The following TSHZ3 variants were observed in gnomAD, a reference collection of about 807,000 sequenced individuals.
TSHZ3 encodes the protein teashirt zinc finger homeobox 3, also known as teashirt homolog 3.
Under a neutral mutation model 64.5 loss-of-function variants are expected in TSHZ3, and 10 were observed. The observed-to-expected ratio is 0.16, with a 90% confidence interval of 0.10 to 0.26. TSHZ3 has a LOEUF of 0.26. Among genes scored for constraint, TSHZ3 ranks in the 10% least tolerant of loss-of-function variants. TSHZ3 has a pLI of 1.00. For missense variants in TSHZ3, 1,242 were observed against 1,421.7 expected (o/e 0.87, Z 2.03); for synonymous variants, 608 against 593.1 (o/e 1.03, Z -0.36).
intron 4 of TSHZ3, among the ~76,000 whole-genome samples, chr19:31,208,082 T>C (rs988192191): frequency 6.6e-6 from 1 of 152,210 alleles, no homozygotes; most frequent in South Asian, 2.1e-4. Flanking sequence ...ACACAGAGAA[T>C]GTGTTCAAGA....
intron 4 of TSHZ3, among the ~76,000 whole-genome samples, chr19:31,212,592 C>T (rs577387300): frequency 2.0e-5 from 3 of 152,346 alleles, no homozygotes; most frequent in Admixed American, 2.0e-4. Context: ...ACACTGACAA[C>T]TCCCAGTGCT....
At chr19:31,199,269 T>C (rs1975036845) in intron 5 of TSHZ3, among the ~76,000 whole-genome samples, 1 of 151,476 alleles carries the variant, frequency 6.6e-6, no homozygotes, top group Non-Finnish European at 1.5e-5. Flanking sequence ...CTGGGCATCG[T>C]GGCGGGCGCC....
Position 31,276,802 on chromosome 19 carries a change from T to A in TSHZ3, c.2991A>T (p.Ser997=). The stretch of plus-strand genomic sequence containing the variant: ...AGTCCCGTAGCCGGAAGCCTAAGTG[T>A]GACTCTAGGTGACTGATGTACGTGG... ...TPSTYISHLE[S]HLGFRLRDLS... is the part of the protein sequence containing the mutation. The change falls in exon 2 of 2, where the codon TCA becomes TCT. Residue 997 remains serine, a synonymous_variant. Coordinates refer to ENST00000240587, the MANE Select transcript of TSHZ3 (RefSeq NM_020856.4). 6.2e-7 allele frequency: 1 copy of A among 1,614,250 alleles called. No homozygotes were observed. The highest frequency in any genetic ancestry group is 8.5e-7 in the Non-Finnish European group (1 of 1,180,048).
chr19:31,183,889 G>A (rs1974764363), intron 5 of TSHZ3, among the ~76,000 whole-genome samples: 1 of 152,044 alleles, frequency 6.6e-6, no homozygotes, highest in Non-Finnish European at 1.5e-5. Flanking sequence ...ATTTTTTTGA[G>A]CACTAAAGTA....
intron 4 of TSHZ3, among the ~76,000 whole-genome samples, chr19:31,211,227 T>A (rs1020003757): frequency 6.6e-6 from 1 of 152,180 alleles, no homozygotes; most frequent in Admixed American, 6.6e-5. Context: ...CAACTCCTGC[T>A]CATGGTTTCC....
At chr19:31,208,085 G>A (rs913688235) in intron 4 of TSHZ3, among the ~76,000 whole-genome samples, 1 of 152,180 alleles carries the variant, frequency 6.6e-6, no homozygotes, top group African/African-American at 2.4e-5. Context: ...CAGAGAATGT[G>A]TTCAAGAACT....
intron 1 of TSHZ3, among the ~76,000 whole-genome samples, chr19:31,297,041 G>T (rs1976673986): frequency 6.6e-6 from 1 of 152,224 alleles, no homozygotes; most frequent in Non-Finnish European, 1.5e-5. Flanking sequence ...TGGGAGGCTG[G>T]AAGGGTGTTG....
chr19:31,240,239 G>A (rs1190645172), intron 3 of TSHZ3, among the ~76,000 whole-genome samples: 3 of 151,946 alleles, frequency 2.0e-5, no homozygotes, highest in Non-Finnish European at 4.4e-5. Flanking sequence ...AAATTTTCAA[G>A]CACCACGAAA....
At chr19:31,263,047 G>C (rs546515393) in intron 1 of TSHZ3, among the ~76,000 whole-genome samples, 1 of 152,292 alleles carries the variant, frequency 6.6e-6, no homozygotes, top group Non-Finnish European at 1.5e-5. Context: ...ATTGATGGCA[G>C]TGCTGGCACG....
intron 4 of TSHZ3, among the ~76,000 whole-genome samples, chr19:31,206,061 T>C (rs976485866): frequency 6.7e-6 from 1 of 150,280 alleles, no homozygotes; most frequent in African/African-American, 2.5e-5. Flanking sequence ...GATAAATGAA[T>C]AGATGGATGG....
rs73553314 is a variant in TSHZ3 at position 31,343,957 on chromosome 19, A to G, written c.40+5223T>C. 9.7e-3 allele frequency among the ~76,000 whole-genome samples: 1,480 copies of G among 152,314 alleles called. 27 individuals carry two copies. Among genetic ancestry groups the G allele is most frequent in the African/African-American group, 0.034 (1,407 of 41,552 alleles). On this transcript the variant is annotated intron_variant, in intron 1 of 1. Transcript: ENST00000240587. Reference sequence around the variant, plus strand: ...AATGCATGTATCGGGACACTTTATCAACCTAACATAAAATTGTCATCTTAT... The same window carrying G: ...AATGCATGTATCGGGACACTTTATCGACCTAACATAAAATTGTCATCTTAT...
intron 1 of TSHZ3, among the ~76,000 whole-genome samples, chr19:31,293,045 C>CCAT (rs1396361552): frequency 6.9e-6 from 1 of 144,290 alleles, no homozygotes; most frequent in Admixed American, 7.9e-5. Context: ...ATCCATCCAT[C>CCAT]CATCCATCCA....
chr19:31,155,433 TAGGAAAG>T (rs1974294464), intron 6 of TSHZ3, among the ~76,000 whole-genome samples: 1 of 152,214 alleles, frequency 6.6e-6, no homozygotes, highest in African/African-American at 2.4e-5. Flanking sequence ...AGCTTCGTTG[TAGGAAAG>T]TGACCATCCC....
chr19:31,304,159 G>C (rs1976802147), intron 1 of TSHZ3, among the ~76,000 whole-genome samples: 1 of 152,138 alleles, frequency 6.6e-6, no homozygotes, highest in Non-Finnish European at 1.5e-5. Context: ...ATTTTTAGTA[G>C]AGACGGGGTT....
At chr19:31,291,448 C>T (rs991970431) in intron 1 of TSHZ3, among the ~76,000 whole-genome samples, 1 of 152,130 alleles carries the variant, frequency 6.6e-6, no homozygotes, top group Non-Finnish European at 1.5e-5. Flanking sequence ...AAGGAGGAGG[C>T]CAGAACGTCA....
intron 1 of TSHZ3, among the ~76,000 whole-genome samples, chr19:31,284,002 G>A (rs1171170869): frequency 1.3e-5 from 2 of 152,270 alleles, no homozygotes; most frequent in Non-Finnish European, 2.9e-5. Flanking sequence ...ACCGTCCACC[G>A]ATTCGACCCA....
Position 31,276,788 on chromosome 19 carries a change from C to T in TSHZ3, c.3005G>A (p.Arg1002Gln), listed in dbSNP as rs1457549064. 12 of 1,613,972 alleles carry T rather than the reference C, an allele frequency of 7.4e-6. No individual in the cohort carries two copies. Among genetic ancestry groups the T allele is most frequent in the Admixed American group, 1.7e-5 (1 of 60,006 alleles). ...GGACAGTTTGGATAAGTCCCGTAGC[C>T]GGAAGCCTAAGTGTGACTCTAGGTG... is the stretch of plus-strand genomic sequence containing the variant. The part of the protein sequence containing the change: ...ISHLESHLGF[R>Q]LRDLSKLSTE... The change falls in exon 2 of 2, where the codon CGG becomes CAG. Residue 1002 changes from arginine to glutamine, a missense_variant. Arg to Gln is a conservative substitution (Grantham distance 43). This residue lies in a region of TSHZ3 where 126 missense variants were observed against 140.6 expected (regional missense o/e 0.90). Coordinates refer to ENST00000240587, the MANE Select transcript of TSHZ3 (RefSeq NM_020856.4).
At chr19:31,187,737 T>A (rs1003379081) in intron 5 of TSHZ3, among the ~76,000 whole-genome samples, 1 of 152,138 alleles carries the variant, frequency 6.6e-6, no homozygotes, top group African/African-American at 2.4e-5. Flanking sequence ...TTGCCAAAAA[T>A]CAGTTGTGTG....
intron 4 of TSHZ3, chr19:31,207,423 A>T (rs1975196650): frequency 6.6e-6 from 1 of 152,308 alleles, no homozygotes; most frequent in African/African-American, 2.4e-5. Flanking sequence ...GAAGTACTGC[A>T]AAGTTTAACT....
Sources: allele counts gnomAD v4.1 joint callset (sites outside exome capture counted in the v4.1 genomes callset), GRCh38; gene constraint gnomAD v4.1.1; regional missense constraint gnomAD v4.1.1; transcripts MANE v1.5; gene names NCBI Gene and HGNC (gene_info 2026-07-23, HGNC 2026-07-21).